AFG2A: variants seen among roughly 807,000 people sequenced by gnomAD.
AFG2A encodes ATPase family gene 2 protein homolog A.
At chr4:123,212,126 A>G in the AFG2A span, among the ~76,000 whole-genome samples, 7 of 152,252 alleles carry the variant, frequency 4.6e-5, no homozygotes, top group South Asian at 8.3e-4. Flanking sequence ...TTTTCTTGCT[A>G]TGTAGATTAT....
At chr4:123,189,117 A>G in the AFG2A span, among the ~76,000 whole-genome samples, 11 of 152,326 alleles carry the variant, frequency 7.2e-5, no homozygotes, top group East Asian at 1.2e-3. Flanking sequence ...CTGTCTGTCT[A>G]TCTCGCAGGT....
At chr4:122,941,906 T>G in the AFG2A span, among the ~76,000 whole-genome samples, 1 of 150,822 alleles carries the variant, frequency 6.6e-6, no homozygotes, top group African/African-American at 2.4e-5. Flanking sequence ...GGTTTTTGTC[T>G]TTGGTTCTGT....
chr4:123,028,583 A>G, the AFG2A span, among the ~76,000 whole-genome samples: 8 of 152,222 alleles, frequency 5.3e-5, no homozygotes, highest in African/African-American at 1.9e-4. Context: ...GCATGTAATC[A>G]GCAAATCATG....
chr4:123,212,336 TA>T, the AFG2A span, among the ~76,000 whole-genome samples: 11 of 152,272 alleles, frequency 7.2e-5, no homozygotes, highest in Admixed American at 2.0e-4. Flanking sequence ...TTCACCCCTC[TA>T]CACAGATCAC....
the AFG2A span, among the ~76,000 whole-genome samples, chr4:123,285,594 A>C: frequency 6.6e-6 from 1 of 152,026 alleles, no homozygotes; most frequent in African/African-American, 2.4e-5. Flanking sequence ...CTTGCCACCA[A>C]CACCACCAGT....
At chr4:122,981,563 C>A in the AFG2A span, among the ~76,000 whole-genome samples, 24,506 of 150,476 alleles carry the variant, frequency 0.16, 2,413 homozygotes, top group East Asian at 0.45. Flanking sequence ...GAGAAAAATG[C>A]CATTGGAATT....
At chr4:123,298,970 C>T in the AFG2A span, among the ~76,000 whole-genome samples, 2 of 152,146 alleles carry the variant, frequency 1.3e-5, no homozygotes, top group Non-Finnish European at 2.9e-5. Context: ...CAGGTTGCTG[C>T]CAGAGTGATA....
At chr4:123,180,373 G>C in the AFG2A span, among the ~76,000 whole-genome samples, 2 of 152,216 alleles carry the variant, frequency 1.3e-5, no homozygotes, top group African/African-American at 2.4e-5. Context: ...TCCATATGTG[G>C]TACATATGTT....
At chr4:123,089,224 T>C in the AFG2A span, among the ~76,000 whole-genome samples, 1 of 152,328 alleles carries the variant, frequency 6.6e-6, no homozygotes, top group East Asian at 1.9e-4. Context: ...CTAAATACTT[T>C]AACTTATAAG....
chr4:123,295,529 C>G, the AFG2A span, among the ~76,000 whole-genome samples: 11 of 152,328 alleles, frequency 7.2e-5, no homozygotes, highest in East Asian at 2.1e-3. Flanking sequence ...CTCTATATAG[C>G]CGTGAAGTTG....
At chr4:123,028,455 T>C in the AFG2A span, 1 of 1,406,574 alleles carries the variant, frequency 7.1e-7, no homozygotes, top group Non-Finnish European at 1.0e-6. Context: ...CCCCATTCTC[T>C]GACTCCTACC....
At chr4:123,053,105 G>A in the AFG2A span, among the ~76,000 whole-genome samples, 13 of 152,266 alleles carry the variant, frequency 8.5e-5, no homozygotes, top group East Asian at 3.9e-4. Context: ...GGGCTTTGTC[G>A]CCCAGTCCAC....
At chr4:123,152,355 A>G in the AFG2A span, among the ~76,000 whole-genome samples, 250 of 152,360 alleles carry the variant, frequency 1.6e-3, no homozygotes, top group Non-Finnish European at 2.8e-3. Context: ...AATATTTGCA[A>G]AAGACACATC....
chr4:123,000,096 C>T, the AFG2A span, among the ~76,000 whole-genome samples: 3 of 149,626 alleles, frequency 2.0e-5, no homozygotes, highest in Admixed American at 6.7e-5. Flanking sequence ...CATGATTTGG[C>T]TCTCTGTTTG....
the AFG2A span, among the ~76,000 whole-genome samples, chr4:123,211,669 A>G: frequency 6.6e-6 from 1 of 152,146 alleles, no homozygotes. Context: ...TTTTTCACCT[A>G]AACTCATAAT....
At chr4:122,994,010 G>T in the AFG2A span, among the ~76,000 whole-genome samples, 14 of 152,106 alleles carry the variant, frequency 9.2e-5, no homozygotes, top group South Asian at 2.9e-3. Flanking sequence ...TATTTGTTGA[G>T]TGAGTGAATG....
the AFG2A span, among the ~76,000 whole-genome samples, chr4:123,192,760 C>T: frequency 6.6e-6 from 1 of 152,174 alleles, no homozygotes; most frequent in Admixed American, 6.5e-5. Flanking sequence ...TCCTATTCCT[C>T]AATAGCTTCT....
chr4:123,184,344 A>G, the AFG2A span, among the ~76,000 whole-genome samples: 2 of 151,984 alleles, frequency 1.3e-5, no homozygotes, highest in Non-Finnish European at 2.9e-5. Context: ...TTAGACTTTT[A>G]TGTTTGTACA....
At chr4:123,286,806 T>C in the AFG2A span, among the ~76,000 whole-genome samples, 1 of 151,810 alleles carries the variant, frequency 6.6e-6, no homozygotes, top group Admixed American at 6.6e-5. Flanking sequence ...GCTATTCCGA[T>C]CTGAACTTCT....
Sources: gnomAD v4.1 joint callset for allele counts (sites outside exome capture counted in the v4.1 genomes callset) on GRCh38, gnomAD v4.1.1 for gene constraint, MANE v1.5 for transcripts, NCBI Gene and HGNC (gene_info 2026-07-23, HGNC 2026-07-21) for gene names.